The following ARL14EP variants were observed in gnomAD, a reference collection of about 807,000 sequenced individuals.
ARL14EP encodes the protein ARF like GTPase 14 effector protein.
In ARL14EP, 12 loss-of-function variants were observed where a neutral mutation model predicts 23.1. The ratio of observed to expected loss-of-function variants is 0.52; its 90% CI spans 0.33 to 0.84. The LOEUF (loss-of-function observed/expected upper bound fraction) is 0.84. Ranked by LOEUF, ARL14EP falls within the 40% of genes least tolerant of loss-of-function variation. ARL14EP has a pLI of 0.02. For missense variants in ARL14EP, 253 were observed against 307.3 expected (o/e 0.82, Z 1.32); for synonymous variants, 97 against 102.0 (o/e 0.95, Z 0.29).
chr11:30,324,941 T>C (rs1268550303), intron 1 of ARL14EP, among the ~76,000 whole-genome samples: 1 of 152,220 alleles, frequency 6.6e-6, no homozygotes, highest in African/African-American at 2.4e-5. Flanking sequence ...AGTAAAGTGA[T>C]GTCAATCCTA....
chr11:30,336,800 C>T lies in ARL14EP; in HGVS notation c.*5C>T, dbSNP rs753963742. On this transcript the variant is annotated 3_prime_UTR_variant, in exon 4 of 4. Coordinates refer to ENST00000282032, the MANE Select transcript of ARL14EP (RefSeq NM_152316.3). ...CATAATAAACATGCTGGATAATCTG[C>T]GGTACCAAACTATGGAGCCTTTAAA... 20 of 1,606,084 alleles carry T rather than the reference C, an allele frequency of 1.2e-5. No homozygotes were observed. Among genetic ancestry groups the T allele is most frequent in the African/African-American group, 5.4e-5 (4 of 74,698 alleles).
chr11:30,334,936 G>A (rs183141845), intron 3 of ARL14EP, among the ~76,000 whole-genome samples: 123 of 152,306 alleles, frequency 8.1e-4, no homozygotes, highest in African/African-American at 2.8e-3. Flanking sequence ...TGTAGCCCAC[G>A]GATCAAGGAG....
intron 1 of ARL14EP, 68 bp from the exon 2 acceptor site, chr11:30,330,818 C>G: frequency 1.2e-6 from 1 of 843,430 alleles, no homozygotes; most frequent in Non-Finnish European, 1.9e-6. Context: ...TGAATTTTAT[C>G]AAATGCTTTT....
intron 3 of ARL14EP, among the ~76,000 whole-genome samples, chr11:30,334,644 A>T (rs572656418): frequency 1.5e-4 from 23 of 152,284 alleles, no homozygotes; most frequent in African/African-American, 5.5e-4. Flanking sequence ...GTGACTTTTA[A>T]GTTGAAGCCA....
rs535118668 is a variant in ARL14EP, at chr11:30,337,057, G to A, written c.*262G>A. On this transcript the variant is annotated 3_prime_UTR_variant, in exon 4 of 4. Coordinates refer to ENST00000282032, the MANE Select transcript of ARL14EP (RefSeq NM_152316.3). ...AGTCCTCTATTTGCATGTTTCCCAT[G>A]GGCACAAATTTCAGTGACCTAGATT... 7.3e-6 allele frequency: 3 copies of A among 409,478 alleles called. No individual in the cohort carries two copies. The highest frequency in any genetic ancestry group is 9.5e-5 in the East Asian group (2 of 21,060). 25.4% of individuals were successfully genotyped at this position (409,478 alleles called of 1,614,324 possible).
At chr11:30,332,720 A>G in intron 2 of ARL14EP, 146 bp from the exon 3 acceptor site, 1 of 889,832 alleles carries the variant, frequency 1.1e-6, no homozygotes, top group Non-Finnish European at 1.7e-6. Flanking sequence ...ATTTTCTTGC[A>G]CTTAGGCTCT....
chr11:30,325,916 A>T (rs118102762), intron 1 of ARL14EP, among the ~76,000 whole-genome samples: 1 of 152,202 alleles, frequency 6.6e-6, no homozygotes, highest in East Asian at 1.9e-4. Flanking sequence ...TACAGTTGAC[A>T]GTTGTAAAAT....
intron 1 of ARL14EP, chr11:30,330,435 T>C (rs1279803686): frequency 6.4e-6 from 1 of 156,354 alleles, no homozygotes; most frequent in African/African-American, 2.4e-5. Flanking sequence ...CCATGATATA[T>C]AGCTGCATTT....
At chr11:30,326,517 A>T (rs1947235934) in intron 1 of ARL14EP, among the ~76,000 whole-genome samples, 1 of 152,244 alleles carries the variant, frequency 6.6e-6, no homozygotes, top group Non-Finnish European at 1.5e-5. Context: ...TTGCCAGAAC[A>T]CAGACCAAAA....
intron 1 of ARL14EP, chr11:30,328,508 T>G (rs1947259053): frequency 6.6e-6 from 1 of 152,200 alleles, no homozygotes; most frequent in Admixed American, 6.5e-5. Context: ...TTAGTTCATT[T>G]TAAAAACTGA....
rs1947337277 is a variant in ARL14EP at position 30,336,856 on chromosome 11, AGAT to A, written c.*62_*64del. ...TTATTTCTAAAAATCTGTTACTCTA[AGAT>A]ACATTTTAAGCTTGATTATCATATG... On this transcript the variant is annotated 3_prime_UTR_variant, in exon 4 of 4. Transcript: ENST00000282032. 7.0e-7 allele frequency: 1 copy of A among 1,423,740 alleles called. No individual in the cohort carries two copies. 88.2% of individuals were successfully genotyped at this position (1,423,740 alleles called of 1,614,324 possible).
chr11:30,325,046 G>C (rs544603536), intron 1 of ARL14EP, among the ~76,000 whole-genome samples: 3 of 152,134 alleles, frequency 2.0e-5, no homozygotes, highest in African/African-American at 7.2e-5. Flanking sequence ...TATTCAAAAG[G>C]GTTATCACAA....
chr11:30,337,721 G>A lies in ARL14EP; in HGVS notation c.*926G>A, dbSNP rs1264238184. 1.3e-5 allele frequency: 2 copies of A among 152,128 alleles called. No homozygotes were observed. The highest frequency in any genetic ancestry group is 2.9e-5 in the Non-Finnish European group (2 of 68,018). The allele number at this position is 152,128 out of a possible 1,614,324, so 9.4% of individuals were successfully genotyped here. A position where few individuals can be genotyped will look rare whatever the true frequency, so the allele number is the denominator to read the frequency against. ...TGAAAGCACAAGCAATAAAAGGGTG[G>A]AAGCTGACCCAAACTTAGAAGGAGT... On this transcript the variant is annotated 3_prime_UTR_variant, in exon 4 of 4. Coordinates refer to ENST00000282032, the MANE Select transcript of ARL14EP (RefSeq NM_152316.3).
intron 1 of ARL14EP, chr11:30,328,970 T>C (rs1350717932): frequency 1.3e-5 from 2 of 152,118 alleles, no homozygotes. Context: ...TTTTTTAATT[T>C]GCTTTGAAAA....
intron 3 of ARL14EP, among the ~76,000 whole-genome samples, chr11:30,334,208 C>CTTTTTTGTTTTTTTTTTT (rs1947311827): frequency 1.2e-5 from 1 of 86,012 alleles, no homozygotes; most frequent in African/African-American, 5.0e-5. Context: ...GACCAGCCTT[C>CTTTTTTGTTTTTTTTTTT]TTTTTTTTTT....
At position 30,331,148 on chromosome 11, in the gene ARL14EP, G is replaced by C. The variant is rs377036789; in HGVS notation, c.200G>C (p.Arg67Thr). 40 of 1,613,784 alleles carry C rather than the reference G, an allele frequency of 2.5e-5. No homozygotes were observed. The highest frequency in any genetic ancestry group is 3.1e-5 in the Non-Finnish European group (36 of 1,179,842). The change falls in exon 2 of 4, where the codon AGA becomes ACA. Residue 67 changes from arginine (R) to threonine (T), a missense_variant. Transcript: ENST00000282032. ...CATCATGTAAAAATTTACATTGACA[G>C]ATTTGAGGATTTACAGAAGTCATGT... ...CFHHVKIYID[R>T]FEDLQKSCCD... is the part of the protein sequence containing the mutation.
At chr11:30,327,484 T>G (rs1220209986) in intron 1 of ARL14EP, among the ~76,000 whole-genome samples, 1 of 152,164 alleles carries the variant, frequency 6.6e-6, no homozygotes, top group Non-Finnish European at 1.5e-5. Context: ...AATATGACCA[T>G]GGTAGCCCAA....
chr11:30,332,548 A>G (rs538137090), intron 2 of ARL14EP, among the ~76,000 whole-genome samples: 19 of 152,292 alleles, frequency 1.2e-4, no homozygotes, highest in African/African-American at 4.1e-4. Context: ...ACTGGATTAT[A>G]TAGCAGTTTT....
chr11:30,324,818 G>A (rs1468854075), intron 1 of ARL14EP, among the ~76,000 whole-genome samples: 1 of 152,102 alleles, frequency 6.6e-6, no homozygotes, highest in Non-Finnish European at 1.5e-5. Context: ...TAGTAGGAGA[G>A]GTCTAATCAA....
Sources: gnomAD v4.1 joint callset for allele counts (sites outside exome capture counted in the v4.1 genomes callset) on GRCh38, gnomAD v4.1.1 for gene constraint, MANE v1.5 for transcripts, NCBI Gene and HGNC (gene_info 2026-07-23, HGNC 2026-07-21) for gene names.